The following E2F2 variants were observed in gnomAD, a reference collection of about 807,000 sequenced individuals.
E2F2 encodes transcription factor E2F2.
E2F2 carries 22 observed loss-of-function variants against 42.2 expected under a neutral mutation model. That is an observed-to-expected ratio of 0.52 (90% CI 0.37 to 0.74). The LOEUF is 0.74. Among genes scored for constraint, E2F2 ranks in the 30% least tolerant of loss-of-function variants. E2F2 has a pLI of 0.00. For missense variants in E2F2, 481 were observed against 557.8 expected (o/e 0.86, Z 1.39); for synonymous variants, 248 against 251.6 (o/e 0.99, Z 0.13).
At chr1:23,519,157 ACTGT>A (rs761378384) in intron 4 of E2F2, 27 bp from the exon 5 acceptor site, 27 of 1,591,146 alleles carry the variant, frequency 1.7e-5, no homozygotes, top group Admixed American at 3.4e-5. Context: ...AAGAAAAGTG[ACTGT>A]CTGGTCAAAA....
chr1:23,512,984 T>A (rs1319051926), intron 6 of E2F2, among the ~76,000 whole-genome samples: 1 of 152,096 alleles, frequency 6.6e-6, no homozygotes, highest in East Asian at 1.9e-4. Context: ...GGCTAATTTT[T>A]GTATTTGTAG....
rs1384529557 is a variant in E2F2 at position 23,530,342 on chromosome 1, G to A, written c.252+200C>T. Among the ~76,000 whole-genome samples, 3 of 152,248 alleles carry A rather than the reference G, an allele frequency of 2.0e-5. No homozygotes were observed. The highest frequency in any genetic ancestry group is 4.4e-5 in the Non-Finnish European group (3 of 68,036). On this transcript the variant is annotated intron_variant, in intron 1 of 6. Coordinates refer to ENST00000361729, the MANE Select transcript of E2F2 (RefSeq NM_004091.4). This position sits in a 1 kb window ranked among gnomAD's most constrained non-coding sequence, Gnocchi z 4.4. ...CTCATTCCACTCCACTAGAATGGAT[G>A]AGATTATTTCATCCAAAGTCTGAAA...
chr1:23,514,017 G>A (rs1216101920), intron 6 of E2F2, among the ~76,000 whole-genome samples: 2 of 151,604 alleles, frequency 1.3e-5, no homozygotes, highest in East Asian at 2.0e-4. Context: ...CTAGCTACTC[G>A]GGAGGCTGAG....
chr1:23,527,099 G>C (rs887900178), intron 1 of E2F2, among the ~76,000 whole-genome samples: 17 of 152,236 alleles, frequency 1.1e-4, no homozygotes, highest in African/African-American at 3.9e-4. Flanking sequence ...CTTGGAGTCA[G>C]ACTGGCCTGG....
At chr1:23,524,813 C>T (rs1479321676) in intron 1 of E2F2, among the ~76,000 whole-genome samples, 1 of 152,230 alleles carries the variant, frequency 6.6e-6, no homozygotes, top group Admixed American at 6.5e-5. Context: ...TATACCTGCT[C>T]CTCACCCCAC....
intron 4 of E2F2, among the ~76,000 whole-genome samples, chr1:23,519,733 C>T (rs1334826836): frequency 6.6e-6 from 1 of 152,086 alleles, no homozygotes; most frequent in Non-Finnish European, 1.5e-5. Flanking sequence ...AATTCAAGAC[C>T]AGCCTGGCCA....
chr1:23,525,616 C>T (rs982089622), intron 1 of E2F2, among the ~76,000 whole-genome samples: 3 of 152,174 alleles, frequency 2.0e-5, no homozygotes, highest in African/African-American at 7.2e-5. Context: ...AATTAATCCC[C>T]GCGTGGCTTC....
At chr1:23,516,088 T>C (rs987731520) in intron 6 of E2F2, among the ~76,000 whole-genome samples, 2 of 152,166 alleles carry the variant, frequency 1.3e-5, no homozygotes, top group Non-Finnish European at 2.9e-5. Flanking sequence ...GTAACTTGTC[T>C]AAGGTCACAT....
At chr1:23,513,644 G>A (rs1244711862) in intron 6 of E2F2, among the ~76,000 whole-genome samples, 2 of 151,132 alleles carry the variant, frequency 1.3e-5, no homozygotes, top group Non-Finnish European at 2.9e-5. Context: ...CCTGGGAGGC[G>A]GAGGTTGCAG....
intron 6 of E2F2, among the ~76,000 whole-genome samples, chr1:23,513,999 C>T (rs973970604): frequency 6.6e-6 from 1 of 151,748 alleles, no homozygotes; most frequent in African/African-American, 2.4e-5. Context: ...TGGCATGTAC[C>T]TGTACTCCTA....
intron 6 of E2F2, among the ~76,000 whole-genome samples, chr1:23,511,881 G>A (rs1440974762): frequency 6.6e-6 from 1 of 152,202 alleles, no homozygotes; most frequent in African/African-American, 2.4e-5. Context: ...GTTGCTCAGA[G>A]GACCGCATGG....
At chr1:23,528,065 C>A (rs1372450733) in intron 1 of E2F2, among the ~76,000 whole-genome samples, 1 of 152,214 alleles carries the variant, frequency 6.6e-6, no homozygotes, top group African/African-American at 2.4e-5. Context: ...TTGCAGTGAG[C>A]AGAGATGGCG....
At position 23,524,095 on chromosome 1, in the gene E2F2, C is replaced by CAAAA. The variant is rs1424181672; in HGVS notation, c.358+287_358+288insTTTT. Among the ~76,000 whole-genome samples, 22 of 116,662 alleles carry CAAAA rather than the reference C, an allele frequency of 1.9e-4. 1 individual carries two copies. Among genetic ancestry groups the CAAAA allele is most frequent in the African/African-American group, 9.2e-4 (21 of 22,938 alleles). The allele number at this position is 116,662 out of a possible 152,430, so 76.5% of individuals were successfully genotyped here. ...CTCACAACAACAACAACAACAACAA[C>CAAAA]AACAACAACAAAAAAAAACACAGAA... is the stretch of plus-strand genomic sequence containing the variant. On this transcript the variant is annotated intron_variant, in intron 2 of 6. Transcript: ENST00000361729.
At position 23,510,112 on chromosome 1, in the gene E2F2, G is replaced by A. The variant is rs752426258; in HGVS notation, c.1082C>T (p.Pro361Leu). The change falls in exon 7 of 7, where the codon CCG becomes CTG. Residue 361 changes from proline to leucine, a missense_variant. By Grantham distance (98) the Pro-to-Leu change is moderately conservative. Transcript: ENST00000361729. Reference protein sequence around the residue: ...APAPTPQQAPPPPSLVPLEAT... With the variant: ...APAPTPQQAPLPPSLVPLEAT... ...CTCCAAGGGGACCAGGGATGGAGGC[G>A]GTGGGGCCTGCTGGGGGGTTGGCGC... 13 of 1,603,948 alleles carry A rather than the reference G, an allele frequency of 8.1e-6. No individual in the cohort carries two copies. Among genetic ancestry groups the A allele is most frequent in the African/African-American group, 2.7e-5 (2 of 74,838 alleles).
At chr1:23,510,765 A>T (rs1642894068) in intron 6 of E2F2, among the ~76,000 whole-genome samples, 1 of 152,190 alleles carries the variant, frequency 6.6e-6, no homozygotes, top group Non-Finnish European at 1.5e-5. Flanking sequence ...AGAGAGTAGA[A>T]GGGTGGTTGT....
chr1:23,525,964 G>A (rs1164042388), intron 1 of E2F2, among the ~76,000 whole-genome samples: 3 of 152,064 alleles, frequency 2.0e-5, no homozygotes, highest in Admixed American at 2.0e-4. Context: ...TGGGCTGACA[G>A]GTGTTGGAGG....
chr1:23,519,376 C>T, intron 4 of E2F2: 1 of 302,158 alleles, frequency 3.3e-6, no homozygotes, highest in Non-Finnish European at 6.1e-6. Flanking sequence ...AAAAATGTTG[C>T]CTTATGTAAA....
chr1:23,510,610 C>G (rs184654398), intron 6 of E2F2, among the ~76,000 whole-genome samples: 2 of 152,040 alleles, frequency 1.3e-5, no homozygotes, highest in Non-Finnish European at 2.9e-5. Context: ...CCACTGTGCC[C>G]GGCCAAAAAG....
intron 1 of E2F2, among the ~76,000 whole-genome samples, chr1:23,527,253 C>A (rs1200933613): frequency 6.6e-6 from 1 of 152,320 alleles, no homozygotes; most frequent in East Asian, 1.9e-4. Context: ...AGTGCCCCCA[C>A]CAGGGAGCTG....
Sources: allele counts gnomAD v4.1 joint callset (sites outside exome capture counted in the v4.1 genomes callset), GRCh38; gene constraint gnomAD v4.1.1; non-coding constraint Gnocchi (gnomAD v3.1); transcripts MANE v1.5; gene names NCBI Gene and HGNC (gene_info 2026-07-23, HGNC 2026-07-21).